Variants in DHX32 observed in about 807,000 individuals in gnomAD.
DHX32 encodes the protein putative pre-mRNA-splicing factor ATP-dependent RNA helicase DHX32.
A neutral mutation model predicts 70.0 loss-of-function variants in DHX32; 51 were observed. The ratio of observed to expected loss-of-function variants is 0.73; its 90% confidence interval spans 0.58 to 0.92. DHX32 has a LOEUF of 0.92. Ranked by LOEUF, DHX32 falls within the 40% of genes least tolerant of loss-of-function variation. The probability of loss-of-function intolerance (pLI) is 0.00; values close to 1 mark genes in which losing one functional copy is unlikely to be tolerated. For missense variants in DHX32, 762 were observed against 891.8 expected (o/e 0.85, Z 1.85); for synonymous variants, 310 against 315.3 (o/e 0.98, Z 0.18).
chr10:125,852,520 A>T, intron 5 of DHX32, 23 bp downstream of exon 5: 2 of 1,613,106 alleles, frequency 1.2e-6, no homozygotes. Flanking sequence ...GACAACATTT[A>T]GTATTTGTGT....
chr10:125,842,838 T>G, intron 6 of DHX32: 2 of 913,046 alleles, frequency 2.2e-6, no homozygotes, highest in South Asian at 1.0e-4. Context: ...CTTTTAAGTT[T>G]ATGTAACATC....
At chr10:125,838,077 A>G (rs888125565) in intron 10 of DHX32, 129 bp downstream of exon 10, 12 of 804,472 alleles carry the variant, frequency 1.5e-5, no homozygotes, top group Non-Finnish European at 2.1e-5. Context: ...CTTAGTAGGT[A>G]CTGTCAACGT....
At chr10:125,890,283 T>C (rs4089566) in intron 1 of DHX32, among the ~76,000 whole-genome samples, 1 of 152,298 alleles carries the variant, frequency 6.6e-6, no homozygotes, top group African/African-American at 2.4e-5. Context: ...TCAAGCATGG[T>C]ATGCTTTAAT....
intron 1 of DHX32, among the ~76,000 whole-genome samples, chr10:125,887,818 A>G (rs1468104581): frequency 1.3e-5 from 2 of 152,016 alleles, no homozygotes; most frequent in Admixed American, 1.3e-4. Flanking sequence ...ACCCACCTTC[A>G]ATTTTCTTAA....
At chr10:125,884,429 T>A (rs1315741843), upstream of DHX32, among the ~76,000 whole-genome samples, 1 of 152,254 alleles carries the variant, frequency 6.6e-6, no homozygotes, top group Non-Finnish European at 1.5e-5. Context: ...CATTCCACTA[T>A]AAGAAATTTA....
chr10:125,842,165 T>A (rs560869095), intron 6 of DHX32: 1 of 542,586 alleles, frequency 1.8e-6, no homozygotes, highest in South Asian at 2.8e-5. Flanking sequence ...GGGTCCCAGC[T>A]GCAGTGTGCA....
chr10:125,892,724 G>T (rs1944378541), intron 1 of DHX32, among the ~76,000 whole-genome samples: 1 of 152,162 alleles, frequency 6.6e-6, no homozygotes, highest in South Asian at 2.1e-4. Context: ...GTCAATAACA[G>T]CCCTTTATAT....
At chr10:125,889,024 A>G (rs906700047) in intron 1 of DHX32, among the ~76,000 whole-genome samples, 6 of 152,212 alleles carry the variant, frequency 3.9e-5, no homozygotes, top group Admixed American at 2.0e-4. Context: ...GCGCCACTGC[A>G]CTCCAACCTG....
At chr10:125,858,955 T>C (rs371075955) in intron 3 of DHX32, among the ~76,000 whole-genome samples, 2 of 151,826 alleles carry the variant, frequency 1.3e-5, no homozygotes, top group African/African-American at 4.8e-5. Context: ...AGAATGGAAA[T>C]GATGCTTGAT....
At chr10:125,881,595 AG>A (rs1944317807), upstream of DHX32, among the ~76,000 whole-genome samples, 1 of 152,222 alleles carries the variant, frequency 6.6e-6, no homozygotes, top group South Asian at 2.1e-4. Context: ...AAGCCAAGTG[AG>A]GGGAATGAAT....
Position 125,880,983 on chromosome 10 carries a change from C to T in DHX32, c.-159G>A. 2 of 831,318 alleles carry T rather than the reference C, an allele frequency of 2.4e-6. No homozygotes were observed. Among genetic ancestry groups the T allele is most frequent in the South Asian group, 3.7e-5 (2 of 54,208 alleles). 51.5% of individuals were successfully genotyped at this position (831,318 alleles called of 1,614,324 possible). A position where few individuals can be genotyped will look rare whatever the true frequency, so the allele number is the denominator to read the frequency against. ...GTTTTAGCAAGTTAAATTCCTCAAA[C>T]CTGCATCTGTTCTCCGTTGCTGTGT... On this transcript the variant is annotated 5_prime_UTR_variant, in exon 1 of 11. Transcript: ENST00000284690.
chr10:125,840,738 G>T, intron 8 of DHX32, 109 bp downstream of exon 8: 3 of 1,253,206 alleles, frequency 2.4e-6, no homozygotes, highest in Non-Finnish European at 2.2e-6. Context: ...TTGCATTCAA[G>T]TGGCCAGTAG....
chr10:125,880,849 G>A lies in DHX32; in HGVS notation c.-25C>T. 1 of 1,592,840 alleles carries A rather than the reference G, an allele frequency of 6.3e-7. No homozygotes were observed. The highest frequency in any genetic ancestry group is 2.2e-5 in the East Asian group (1 of 44,696). ...TCTTGTCTGACAGTGAGCTCACGCA[G>A]CTGACATTCCACAAGCAAGTTTCTC... On this transcript the variant is annotated 5_prime_UTR_variant, in exon 1 of 11. Coordinates refer to ENST00000284690, the MANE Select transcript of DHX32 (RefSeq NM_018180.3).
intron 3 of DHX32, among the ~76,000 whole-genome samples, chr10:125,855,479 C>T (rs185401146): frequency 0.015 from 2,041 of 140,166 alleles, 50 homozygotes; most frequent in African/African-American, 0.05. Flanking sequence ...GATGGAGTCT[C>T]GCTCTGTTGC....
At chr10:125,854,371 A>T in intron 3 of DHX32, 168 bp from the exon 4 acceptor site, 1 of 516,336 alleles carries the variant, frequency 1.9e-6, no homozygotes, top group East Asian at 3.5e-5. Flanking sequence ...GATGCACCTA[A>T]ATGAGAAAAC....
rs550143492 is a variant in DHX32 at position 125,878,715 on chromosome 10, C to CT, written c.282+1827dup. ...GTTTTTTTTTGTTTTGTTTTGTTTT[C>CT]TTTTTTTTTTTGAGATGGAGTCTTA... On this transcript the variant is annotated intron_variant, in intron 1 of 10. Coordinates refer to ENST00000284690, the MANE Select transcript of DHX32 (RefSeq NM_018180.3). 6.2e-3 allele frequency among the ~76,000 whole-genome samples: 887 copies of CT among 142,760 alleles called. 8 individuals are homozygous for CT. Among genetic ancestry groups the CT allele is most frequent in the African/African-American group, 0.02 (799 of 39,224 alleles). The allele number at this position is 142,760 out of a possible 152,430, so 93.7% of individuals were successfully genotyped here.
intron 1 of DHX32, among the ~76,000 whole-genome samples, chr10:125,895,575 T>C (rs530245763): frequency 2.4e-3 from 373 of 152,352 alleles, no homozygotes; most frequent in Non-Finnish European, 4.2e-3. Flanking sequence ...CCTCAAAGCT[T>C]CCTTAAAGCA....
intron 2 of DHX32, among the ~76,000 whole-genome samples, chr10:125,863,611 C>A (rs1191887654): frequency 1.3e-5 from 2 of 152,000 alleles, no homozygotes; most frequent in Non-Finnish European, 2.9e-5. Context: ...CCACTCCCAG[C>A]TAATTTTTTT....
intron 1 of DHX32, among the ~76,000 whole-genome samples, chr10:125,875,960 C>T (rs1008069640): frequency 2.0e-5 from 3 of 152,194 alleles, no homozygotes; most frequent in African/African-American, 7.2e-5. Context: ...GATTACCAGT[C>T]ATTATTCCAG....
Sources: allele counts gnomAD v4.1 joint callset (sites outside exome capture counted in the v4.1 genomes callset), GRCh38; gene constraint gnomAD v4.1.1; transcripts MANE v1.5; gene names NCBI Gene and HGNC (gene_info 2026-07-23, HGNC 2026-07-21).